The following RPA1 variants were observed in gnomAD, a reference collection of about 807,000 sequenced individuals.
RPA1 encodes the protein replication protein A 70 kDa DNA-binding subunit.
In RPA1, 49 loss-of-function variants were observed where a neutral mutation model predicts 83.0. That is an observed-to-expected ratio of 0.59 (90% confidence interval 0.47 to 0.75). The LOEUF (loss-of-function observed/expected upper bound fraction) is 0.75, where lower values mean the gene tolerates loss of function less well. Ranked by LOEUF, RPA1 falls within the 30% of genes least tolerant of loss-of-function variation. The probability of loss-of-function intolerance (pLI) is 0.00; values close to 1 mark genes in which losing one functional copy is unlikely to be tolerated. For synonymous variants in RPA1, 279 were observed against 281.8 expected (o/e 0.99, Z 0.10); for missense variants, 693 against 776.1 (o/e 0.89, Z 1.27).
Position 1,891,702 on chromosome 17 carries a change from G to C in RPA1, c.1552-131G>C, listed in dbSNP as rs866210995. On this transcript the variant is annotated intron_variant, in intron 14 of 16. Transcript: ENST00000254719. ...CCCAAAGTGCTGGGATGACAGGCAT[G>C]AGCCCACTGCACCTGGCCCTCTCTG... 86 of 574,126 alleles carry C rather than the reference G, an allele frequency of 1.5e-4. 1 individual carries two copies. In the Middle Eastern group the frequency reaches 2.1e-3, roughly 14 times the overall value. The allele number at this position is 574,126 out of a possible 1,614,324, so 35.6% of individuals were successfully genotyped here. A position where few individuals can be genotyped will look rare whatever the true frequency, so the allele number is the denominator to read the frequency against.
At chr17:1,867,787 C>T (rs1324922823) in intron 5 of RPA1, among the ~76,000 whole-genome samples, 2 of 151,700 alleles carry the variant, frequency 1.3e-5, no homozygotes, top group African/African-American at 4.8e-5. Flanking sequence ...GTCAGAAATA[C>T]AGGGCTATGG....
At position 1,855,147 on chromosome 17, in the gene RPA1, T is replaced by A. The variant is rs1319259605; in HGVS notation, c.361+1958T>A. On this transcript the variant is annotated intron_variant, in intron 5 of 16. Transcript: ENST00000254719. ...TGATCATATGGTTTTCTTTGTTAGT[T>A]AATATGGTGAGTTACATTGATTGAT... is the stretch of plus-strand genomic sequence containing the variant. 2.0e-5 allele frequency among the ~76,000 whole-genome samples: 3 copies of A among 152,302 alleles called. No homozygotes were observed. In the East Asian group the frequency reaches 5.8e-4, roughly 29 times the overall value.
rs371435091 is a variant in RPA1, at chr17:1,845,570, C to T, written c.272+884C>T. 3.9e-5 allele frequency among the ~76,000 whole-genome samples: 6 copies of T among 152,048 alleles called. No individual in the cohort carries two copies. In the East Asian group the frequency reaches 1.2e-3, roughly 29 times the overall value. ...AAATTTAAAAAAAGAATGTGTTGTA[C>T]ACGGACAAGTTACTGCATGCTAGAG... is the stretch of plus-strand genomic sequence containing the variant. On this transcript the variant is annotated intron_variant, in intron 4 of 16. Transcript: ENST00000254719.
At chr17:1,861,244 C>G (rs1188823302) in intron 5 of RPA1, among the ~76,000 whole-genome samples, 2 of 152,148 alleles carry the variant, frequency 1.3e-5, no homozygotes, top group Admixed American at 6.5e-5. Flanking sequence ...AGCTAGACGG[C>G]GATCTCCCCA....
intron 12 of RPA1, 122 bp from the exon 13 acceptor site, chr17:1,883,690 C>A: frequency 8.5e-7 from 1 of 1,172,052 alleles, no homozygotes; most frequent in Non-Finnish European, 1.2e-6. Flanking sequence ...TGACCGTGAC[C>A]TGTGTGAAAG....
chr17:1,862,191 C>T (rs1401692801), intron 5 of RPA1, among the ~76,000 whole-genome samples: 1 of 126,242 alleles, frequency 7.9e-6, no homozygotes, highest in Non-Finnish European at 1.7e-5. Flanking sequence ...CGCCCCCAAC[C>T]GTATTTTTTT....
chr17:1,880,895 T>C (rs1913767910), intron 12 of RPA1, among the ~76,000 whole-genome samples: 1 of 152,154 alleles, frequency 6.6e-6, no homozygotes, highest in Non-Finnish European at 1.5e-5. Context: ...AGGACAAACC[T>C]AGAGAGTCGG....
At chr17:1,840,448 G>A (rs1026481601) in intron 1 of RPA1, among the ~76,000 whole-genome samples, 10 of 151,970 alleles carry the variant, frequency 6.6e-5, no homozygotes, top group South Asian at 2.1e-4. Flanking sequence ...CACCACGCCC[G>A]GTTAATTTTT....
intron 5 of RPA1, among the ~76,000 whole-genome samples, chr17:1,865,244 A>G (rs1490541524): frequency 2.0e-5 from 3 of 152,226 alleles, no homozygotes; most frequent in South Asian, 4.1e-4. Context: ...GAGAATGAGC[A>G]TTTGTCATTT....
At chr17:1,850,823 C>T (rs1912465904) in intron 4 of RPA1, among the ~76,000 whole-genome samples, 2 of 151,650 alleles carry the variant, frequency 1.3e-5, no homozygotes, top group Non-Finnish European at 2.9e-5. Flanking sequence ...ACCTGGGAGG[C>T]GGAGGTTGCA....
At chr17:1,871,240 T>C (rs1036050700) in intron 5 of RPA1, among the ~76,000 whole-genome samples, 3 of 152,226 alleles carry the variant, frequency 2.0e-5, no homozygotes. Flanking sequence ...TTTCTCTCCA[T>C]AGGAAGAACT....
intron 12 of RPA1, among the ~76,000 whole-genome samples, chr17:1,882,279 C>T (rs900205808): frequency 1.3e-4 from 19 of 151,988 alleles, no homozygotes; most frequent in Non-Finnish European, 2.6e-4. Flanking sequence ...AATTTAGCTT[C>T]GATATTAGCA....
At chr17:1,880,486 A>G (rs897698180) in intron 11 of RPA1, 57 bp from the exon 12 acceptor site, 2 of 1,576,726 alleles carry the variant, frequency 1.3e-6, no homozygotes, top group African/African-American at 1.4e-5. Flanking sequence ...TTCTATAAAA[A>G]TCTTCTGTGT....
intron 4 of RPA1, among the ~76,000 whole-genome samples, 178 bp downstream of exon 4, chr17:1,844,864 CAGA>C (rs1567803711): frequency 6.6e-6 from 1 of 152,136 alleles, no homozygotes; most frequent in African/African-American, 2.4e-5. Context: ...AATTTCAGAG[CAGA>C]AGATTAAAGT....
At chr17:1,887,476 T>C (rs2058009837) in intron 13 of RPA1, among the ~76,000 whole-genome samples, 1 of 151,572 alleles carries the variant, frequency 6.6e-6, no homozygotes, top group Non-Finnish European at 1.5e-5. Context: ...GGAGAATCGT[T>C]TGACCCTGGG....
chr17:1,868,194 G>A (rs1191452418), intron 5 of RPA1, among the ~76,000 whole-genome samples: 1 of 152,180 alleles, frequency 6.6e-6, no homozygotes, highest in African/African-American at 2.4e-5. Context: ...AAAGCTCAGG[G>A]GGATAAGATT....
intron 1 of RPA1, among the ~76,000 whole-genome samples, chr17:1,832,518 C>T (rs1033804416): frequency 6.6e-6 from 1 of 152,052 alleles, no homozygotes; most frequent in Non-Finnish European, 1.5e-5. Context: ...TCCCAGGTAG[C>T]TGAGAATACA....
rs1285757807 is a variant in RPA1 at position 1,863,223 on chromosome 17, A to ATTTTATTTTAT, written c.362-9207_362-9206insATTTTATTTTT. Reference sequence around the variant, plus strand: ...ATTTTATTTTATTTTATTTTATTTTATTTTTTTGAGACGAGTCTCACTCTG... The same window carrying ATTTTATTTTAT: ...ATTTTATTTTATTTTATTTTATTTTATTTTATTTTATTTTTTTTGAGACGAGTCTCACTCTG... On this transcript the variant is annotated intron_variant, in intron 5 of 16. Coordinates refer to ENST00000254719, the MANE Select transcript of RPA1 (RefSeq NM_002945.5). Among the ~76,000 whole-genome samples, 4 of 139,312 alleles carry ATTTTATTTTAT rather than the reference A, an allele frequency of 2.9e-5. No homozygotes were observed. In the South Asian group the frequency reaches 8.9e-4, roughly 31 times the overall value. The allele number at this position is 139,312 out of a possible 152,430, so 91.4% of individuals were successfully genotyped here. A position where few individuals can be genotyped will look rare whatever the true frequency, so the allele number is the denominator to read the frequency against.
chr17:1,845,428 T>C (rs939171874), intron 4 of RPA1, among the ~76,000 whole-genome samples: 1 of 151,334 alleles, frequency 6.6e-6, no homozygotes, highest in Admixed American at 6.6e-5. Context: ...CCTAGCTACA[T>C]GGGAGGCTGA....
Sources: allele counts gnomAD v4.1 joint callset (sites outside exome capture counted in the v4.1 genomes callset), GRCh38; gene constraint gnomAD v4.1.1; transcripts MANE v1.5; gene names NCBI Gene and HGNC (gene_info 2026-07-23, HGNC 2026-07-21).